The following FGF13 variants were observed in gnomAD, a reference collection of about 807,000 sequenced individuals.
FGF13 encodes fibroblast growth factor homologous factor 2.
A neutral mutation model predicts 19.5 loss-of-function variants in FGF13; 2 were observed. The observed-to-expected ratio is 0.10, with a 90% CI of 0.04 to 0.32. The LOEUF (loss-of-function observed/expected upper bound fraction) is 0.32. FGF13 is among the 10% of genes least tolerant of loss of function. The probability of loss-of-function intolerance (pLI) is 1.00; values close to 1 mark genes in which losing one functional copy is unlikely to be tolerated. For synonymous variants in FGF13, 72 were observed against 76.9 expected (o/e 0.94, Z 0.33); for missense variants, 113 against 192.7 (o/e 0.59, Z 2.45).
rs1211375183 is a variant in FGF13, at chrX:139,096,545, G to A, written c.-113+106871C>T. On this transcript the variant is annotated intron_variant, in intron 1 of 2. Coordinates refer to the FGF13 transcript ENST00000421460. ...CTAGGCTGGAGCTAGATCATAAAGG[G>A]CACTGAAAGTCCTCCTGTGATTTGT... 4.5e-5 allele frequency among the ~76,000 whole-genome samples: 5 copies of A among 111,728 alleles called. No individual in the cohort carries two copies. The East Asian group carries it at 1.1e-3, about 25-fold the overall frequency.
intron 1 of FGF13, among the ~76,000 whole-genome samples, chrX:138,900,375 A>G (rs2091526005): frequency 9.0e-6 from 1 of 110,523 alleles, no homozygotes; most frequent in Non-Finnish European, 1.9e-5. Context: ...CCTTCTCTTA[A>G]TCTTCTCCAT....
chrX:138,969,591 T>C (rs1392734735), intron 1 of FGF13, among the ~76,000 whole-genome samples: 1 of 111,814 alleles, frequency 8.9e-6, no homozygotes, highest in Non-Finnish European at 1.9e-5. Context: ...TAAGATAGTA[T>C]GGTGCATTTT....
chrX:138,803,591 G>A (rs1257039120), intron 3 of FGF13, among the ~76,000 whole-genome samples: 1 of 112,291 alleles, frequency 8.9e-6, no homozygotes, highest in Non-Finnish European at 1.9e-5. Context: ...GCCCAAAGGA[G>A]CATTACCCGC....
intron 3 of FGF13, among the ~76,000 whole-genome samples, chrX:138,647,787 G>A (rs1429484961): frequency 1.8e-5 from 2 of 111,992 alleles, no homozygotes; most frequent in African/African-American, 3.2e-5. Flanking sequence ...TATAAACCAT[G>A]AGAATATATA....
chrX:138,677,336 T>C (rs2089679880), intron 3 of FGF13, among the ~76,000 whole-genome samples: 1 of 109,637 alleles, frequency 9.1e-6, no homozygotes, highest in South Asian at 4.0e-4. Context: ...TGGGATCTAA[T>C]TAAACTAAAG....
downstream of FGF13, among the ~76,000 whole-genome samples, chrX:138,857,061 G>A (rs921319575): frequency 1.8e-5 from 2 of 112,119 alleles, no homozygotes; most frequent in African/African-American, 6.5e-5. Context: ...TAGATCATGA[G>A]CATTCTTCAA....
At chrX:138,748,217 T>C (rs2090370155) in intron 3 of FGF13, among the ~76,000 whole-genome samples, 1 of 112,082 alleles carries the variant, frequency 8.9e-6, no homozygotes, top group Non-Finnish European at 1.9e-5. Flanking sequence ...AATCTTGGGA[T>C]GCATACCTGT....
intron 1 of FGF13, among the ~76,000 whole-genome samples, chrX:138,924,840 T>TAAAA (rs11301322): frequency 1.6e-4 from 15 of 93,577 alleles, no homozygotes; most frequent in African/African-American, 5.1e-4. Flanking sequence ...GGGGGAAAGT[T>TAAAA]AAAAAAAAAA....
At chrX:139,067,416 A>T (rs775329015) in intron 1 of FGF13, among the ~76,000 whole-genome samples, 1 of 112,273 alleles carries the variant, frequency 8.9e-6, no homozygotes, top group Non-Finnish European at 1.9e-5. Context: ...CCTTAAGTTG[A>T]TAAGCAAATT....
chrX:138,834,692 C>T (rs1483491413), intron 3 of FGF13, among the ~76,000 whole-genome samples: 2 of 109,344 alleles, frequency 1.8e-5, no homozygotes, highest in Non-Finnish European at 3.8e-5. Context: ...TTCTTGTCTT[C>T]TACTAGCTTC....
At chrX:138,750,004 A>G (rs1274374073) in intron 3 of FGF13, among the ~76,000 whole-genome samples, 1 of 111,886 alleles carries the variant, frequency 8.9e-6, no homozygotes, top group Admixed American at 9.5e-5. Context: ...GAGCATGTCA[A>G]TTGTGCAAGA....
chrX:139,108,934 C>T (rs1260862086), intron 1 of FGF13, among the ~76,000 whole-genome samples: 3 of 105,298 alleles, frequency 2.8e-5, no homozygotes, highest in African/African-American at 1.0e-4. Flanking sequence ...TGAGCACATG[C>T]GATGTTTGAT....
At chrX:139,060,387 T>G (rs975335286) in intron 1 of FGF13, among the ~76,000 whole-genome samples, 2 of 111,527 alleles carry the variant, frequency 1.8e-5, no homozygotes, top group Non-Finnish European at 3.8e-5. Context: ...AAATAAATTC[T>G]AATTCTAGTA....
At chrX:138,664,388 T>C (rs1190294986) in intron 3 of FGF13, among the ~76,000 whole-genome samples, 1 of 111,589 alleles carries the variant, frequency 9.0e-6, no homozygotes, top group Non-Finnish European at 1.9e-5. Flanking sequence ...TCGGAAATGT[T>C]ATATTCAATA....
chrX:138,927,750 C>CCA (rs1859866005), intron 1 of FGF13, among the ~76,000 whole-genome samples: 1 of 111,703 alleles, frequency 9.0e-6, no homozygotes, highest in Non-Finnish European at 1.9e-5. Flanking sequence ...ACCTACCAAG[C>CCA]TGATATAAAC....
At chrX:138,932,722 G>C (rs2091709876) in intron 1 of FGF13, among the ~76,000 whole-genome samples, 1 of 109,285 alleles carries the variant, frequency 9.2e-6, no homozygotes, top group Non-Finnish European at 1.9e-5. Flanking sequence ...GTGTGTGTGT[G>C]TGTGTGTGTG....
chrX:138,626,336 A>AT lies in FGF13; in HGVS notation c.*6513dup, dbSNP rs2089063507. ...TCATGTGCCTTTCATGTGAAGCTCT[A>AT]TGCCTTCACTTATACTATTCTGTTC... is the stretch of plus-strand genomic sequence containing the variant. On this transcript the variant is annotated 3_prime_UTR_variant, in exon 5 of 5. Coordinates refer to ENST00000315930, the MANE Select transcript of FGF13 (RefSeq NM_004114.5). The AT allele has an allele frequency of 8.9e-6, 1 of 112,172 alleles. No homozygotes were observed. The highest frequency in any genetic ancestry group is 9.4e-5 in the Admixed American group (1 of 10,583). 9.2% of individuals were successfully genotyped at this position (112,172 alleles called of 1,213,427 possible).
At chrX:138,993,937 C>G (rs2092030149) in intron 1 of FGF13, among the ~76,000 whole-genome samples, 1 of 111,532 alleles carries the variant, frequency 9.0e-6, no homozygotes. Flanking sequence ...GCTAATTGAT[C>G]CAACCTTTCC....
chrX:138,687,207 C>A (rs982147210), intron 3 of FGF13, among the ~76,000 whole-genome samples: 5 of 111,895 alleles, frequency 4.5e-5, no homozygotes, highest in African/African-American at 1.6e-4. Flanking sequence ...AGGGAAGAGA[C>A]AACCTACAGA....
Sources: allele counts gnomAD v4.1 joint callset (sites outside exome capture counted in the v4.1 genomes callset), GRCh38; gene constraint gnomAD v4.1.1; transcripts MANE v1.5; gene names NCBI Gene and HGNC (gene_info 2026-07-23, HGNC 2026-07-21).